The following ADPRHL1 variants were observed in gnomAD, a reference collection of about 807,000 sequenced individuals.
The protein encoded by ADPRHL1 is ADP-ribosylhydrolase like 1.
ADPRHL1 carries 43 observed loss-of-function variants against 44.1 expected under a neutral mutation model. The observed-to-expected ratio is 0.98, with a 90% CI of 0.76 to 1.26. The LOEUF is 1.26. Ranked by LOEUF, ADPRHL1 falls within the 50% of genes most tolerant of loss-of-function variation. The pLI is 0.00. For missense variants in ADPRHL1, 2,022 were observed against 2,496.9 expected, an observed-to-expected ratio of 0.81 and a Z score of 4.05; for synonymous variants, 878 against 1,017.4, an observed-to-expected ratio of 0.86 and a Z score of 2.61.
chr13:113,424,380 G>C (rs200663640), intron 5 of ADPRHL1, 31 bp from the exon 6 acceptor site: 1 of 1,612,020 alleles, frequency 6.2e-7, no homozygotes, highest in Non-Finnish European at 8.5e-7. Flanking sequence ...CGGGGCGTGT[G>C]CCCAAGTGGA....
intron 7 of ADPRHL1, among the ~76,000 whole-genome samples, chr13:113,418,929 G>T (rs773760084): frequency 1.1e-5 from 1 of 87,590 alleles, no homozygotes; most frequent in Non-Finnish European, 2.3e-5. Context: ...GAACCCCTGG[G>T]GAGCTACACC....
In ADPRHL1 at chr13:113,428,966, A is replaced by G. The variant is rs377490207; in HGVS notation, c.632T>C (p.Ile211Thr). 3 of 1,612,508 alleles carry G rather than the reference A, an allele frequency of 1.9e-6. No individual in the cohort carries two copies. Among genetic ancestry groups the G allele is most frequent in the African/African-American group, 2.7e-5 (2 of 74,926 alleles). ...GAGCGGCTCACCTGCCGTGTGCCGG[A>G]TGGTCTTCCTGCAGTACTCTTCTGC... ...PLAEEYCRKTIRHTAEYQEHW... is the reference protein window; with the variant it reads ...PLAEEYCRKTTRHTAEYQEHW... Residue 211 changes from isoleucine to threonine, a missense_variant, in exon 4 of 8, where the codon ATC becomes ACC. By Grantham distance (89) the Ile-to-Thr change is moderately conservative. Coordinates refer to ENST00000612156, the MANE Select transcript of ADPRHL1 (RefSeq NM_001394807.1).
At chr13:113,446,847 T>TGCATGGTGTCGTGC (rs2044142334) in intron 1 of ADPRHL1, among the ~76,000 whole-genome samples, 1 of 151,924 alleles carries the variant, frequency 6.6e-6, no homozygotes, top group South Asian at 2.1e-4. Context: ...GTGTTGTGTG[T>TGCATGGTGTCGTGC]GCATGGTGTC....
In ADPRHL1 at chr13:113,409,855, C is replaced by G. The variant is rs1015971175; in HGVS notation, c.1062-1635G>C. The G allele has an allele frequency of 1.8e-5, 16 of 901,948 alleles. No homozygotes were observed. The highest frequency in any genetic ancestry group is 5.8e-4 in the Middle Eastern group (1 of 1,736). The allele number at this position is 901,948 out of a possible 1,614,324, so 55.9% of individuals were successfully genotyped here. On this transcript the variant is annotated intron_variant, in intron 7 of 7. Transcript: ENST00000612156. This position sits in a 1 kb window ranked among gnomAD's most constrained non-coding sequence, Gnocchi z 4.2. ...AGTGAGCCGAGATCGCACCACTGCA[C>G]TCCAGCCTGAGCGACAGAGCGAGAC...
chr13:113,417,181 CTG>C (rs1337941691), intron 7 of ADPRHL1, among the ~76,000 whole-genome samples: 1 of 152,222 alleles, frequency 6.6e-6, no homozygotes, highest in Non-Finnish European at 1.5e-5. Context: ...CCCGGGGACT[CTG>C]TGCTCTCTGG....
At chr13:113,434,519 C>T (rs12871488) in intron 2 of ADPRHL1, among the ~76,000 whole-genome samples, 1 of 138,558 alleles carries the variant, frequency 7.2e-6, no homozygotes, top group Non-Finnish European at 1.6e-5. Flanking sequence ...CCAGCATCCA[C>T]ATGTAGAGTG....
At chr13:113,417,001 G>C (rs1181185044) in intron 7 of ADPRHL1, among the ~76,000 whole-genome samples, 1 of 152,262 alleles carries the variant, frequency 6.6e-6, no homozygotes, top group East Asian at 1.9e-4. Flanking sequence ...GGAGTTGTCG[G>C]AGCTAGTTTT....
intron 2 of ADPRHL1, 63 bp downstream of exon 2, chr13:113,444,362 T>A: frequency 6.4e-7 from 1 of 1,565,458 alleles, no homozygotes; most frequent in Non-Finnish European, 8.7e-7. Flanking sequence ...GGAAGGCAGA[T>A]GGTTAGGACC....
Position 113,453,255 on chromosome 13 carries a change from C to T in ADPRHL1, c.183G>A (p.Met61Ile). Residue 61 changes from methionine to isoleucine, a missense_variant, in exon 1 of 8, where the codon ATG (methionine) becomes ATA (isoleucine). Met to Ile is a conservative substitution (Grantham distance 10). This residue lies in a region of ADPRHL1 where 437 missense variants were observed against 430.7 expected (regional missense o/e 1.01). Coordinates refer to ENST00000612156, the MANE Select transcript of ADPRHL1 (RefSeq NM_001394807.1). The surrounding 1 kb of genome is among the most constrained non-coding windows in gnomAD (Gnocchi z 5.4). ...GEWPVSDNTIMHIATAEALTT... is the reference protein window; with the variant it reads ...GEWPVSDNTIIHIATAEALTT... Reference sequence around the variant, plus strand: ...TGAGGGCCTCGGCGGTTGCGATGTGCATGATGGTGTTGTCACTCACGGGCC... The same window carrying T: ...TGAGGGCCTCGGCGGTTGCGATGTGTATGATGGTGTTGTCACTCACGGGCC... The T allele has an allele frequency of 6.2e-7, 1 of 1,614,130 alleles. No individual in the cohort carries two copies. Among genetic ancestry groups the T allele is most frequent in the Non-Finnish European group, 8.5e-7 (1 of 1,180,034 alleles).
chr13:113,417,385 G>A (rs1460369957), intron 7 of ADPRHL1, among the ~76,000 whole-genome samples: 1 of 152,256 alleles, frequency 6.6e-6, no homozygotes, highest in Non-Finnish European at 1.5e-5. Context: ...GCTGCCCACA[G>A]GGCCACACGA....
Position 113,424,293 on chromosome 13 carries a change from G to C in ADPRHL1, c.831C>G (p.Pro277=), listed in dbSNP as rs1323535143. 1 of 1,612,928 alleles carries C rather than the reference G, an allele frequency of 6.2e-7. No individual in the cohort carries two copies. Residue 277 remains proline, a synonymous_variant, in exon 6 of 8, where the codon CCC becomes CCG. Coordinates refer to ENST00000612156, the MANE Select transcript of ADPRHL1 (RefSeq NM_001394807.1). ...CAAGGAGGGCGTCATAGGCTATCATGGGGGCATCGTGGCCTCGTCTTCCCC... is the reference window on the plus strand; with the variant it reads ...CAAGGAGGGCGTCATAGGCTATCATCGGGGCATCGTGGCCTCGTCTTCCCC... ...GRGGRRGHDA[P]MIAYDALLAA...
chr13:113,440,714 C>T (rs888157387), intron 2 of ADPRHL1, among the ~76,000 whole-genome samples: 2 of 152,124 alleles, frequency 1.3e-5, no homozygotes, highest in Non-Finnish European at 2.9e-5. Flanking sequence ...CTTGGCCTCC[C>T]AAAGTTCTGG....
rs561816716 is a variant in ADPRHL1 at position 113,403,151 on chromosome 13, G to A, written c.*227C>T. 35 of 369,832 alleles carry A rather than the reference G, an allele frequency of 9.5e-5. No individual in the cohort carries two copies. Among genetic ancestry groups the A allele is most frequent in the African/African-American group, 4.0e-4 (19 of 47,890 alleles). The allele number at this position is 369,832 out of a possible 1,614,324, so 22.9% of individuals were successfully genotyped here. ...GAGGGCCTGGTGAGGCCACAGGCCC[G>A]CACCTCCCACCCCCATGGCCTCGTG... On this transcript the variant is annotated 3_prime_UTR_variant, in exon 8 of 8. Transcript: ENST00000612156.
intron 4 of ADPRHL1, 44 bp downstream of exon 4, chr13:113,428,908 C>T: frequency 6.2e-7 from 1 of 1,609,256 alleles, no homozygotes; most frequent in Non-Finnish European, 8.5e-7. Flanking sequence ...TGGATCTGTC[C>T]AGATCTGCTC....
Position 113,403,929 on chromosome 13 carries a change from G to C in ADPRHL1, c.5353C>G (p.Gln1785Glu). The part of the protein sequence containing the change: ...RARDQGWEQT[Q>E]IETQRQTQKG... ...TGGGTCTGCCTCTGAGTCTCTATCTGGGTCTGCTCCCAGCCCTGATCCCGA... is the reference window on the plus strand; with the variant it reads ...TGGGTCTGCCTCTGAGTCTCTATCTCGGTCTGCTCCCAGCCCTGATCCCGA... The change falls in exon 8 of 8, where the codon CAG (glutamine) becomes GAG (glutamate). Residue 1785 changes from glutamine to glutamate, a missense_variant. Physicochemically the swap from Gln to Glu is conservative, Grantham distance 29. This residue lies in a region of ADPRHL1 where 205 missense variants were observed against 250.1 expected (regional missense o/e 0.82). Transcript: ENST00000612156. 1 of 1,288,770 alleles carries C rather than the reference G, an allele frequency of 7.8e-7. No individual in the cohort carries two copies. The highest frequency in any genetic ancestry group is 9.7e-7 in the Non-Finnish European group (1 of 1,026,398). The allele number at this position is 1,288,770 out of a possible 1,614,324, so 79.8% of individuals were successfully genotyped here. A position where few individuals can be genotyped will look rare whatever the true frequency, so the allele number is the denominator to read the frequency against.
chr13:113,422,396 C>G (rs1381918594), intron 7 of ADPRHL1: 2 of 170,080 alleles, frequency 1.2e-5, no homozygotes, highest in African/African-American at 4.9e-5. Context: ...TTGGCCCTCA[C>G]GGGGAAACGC....
In ADPRHL1 at chr13:113,406,788, G is replaced by A. The variant is rs370589334; in HGVS notation, c.2494C>T (p.Arg832Trp). ...PLNAPSVQAA[R>W]RTQPATEPPR... Reference sequence around the variant, plus strand: ...GGCTCCGTGGCAGGCTGTGTTCTCCGAGCAGCCTGGACCGATGGAGCGTTC... The same window carrying A: ...GGCTCCGTGGCAGGCTGTGTTCTCCAAGCAGCCTGGACCGATGGAGCGTTC... The change falls in exon 8 of 8, where the codon CGG becomes TGG. Residue 832 changes from arginine (R) to tryptophan (W), a missense_variant. Arg to Trp is a moderately radical substitution (Grantham distance 101). This residue lies in a region of ADPRHL1 where 1,221 missense variants were observed against 1,517.8 expected (regional missense o/e 0.80). Coordinates refer to ENST00000612156, the MANE Select transcript of ADPRHL1 (RefSeq NM_001394807.1). 47 of 1,231,856 alleles carry A rather than the reference G, an allele frequency of 3.8e-5. No homozygotes were observed. The South Asian group carries it at 7.0e-4, about 18-fold the overall frequency. The allele number at this position is 1,231,856 out of a possible 1,614,324, so 76.3% of individuals were successfully genotyped here.
In ADPRHL1 at chr13:113,405,712, C is replaced by A. The variant is rs1017342025; in HGVS notation, c.3570G>T (p.Arg1190Ser). 2.4e-6 allele frequency: 3 copies of A among 1,231,928 alleles called. No individual in the cohort carries two copies. Among genetic ancestry groups the A allele is most frequent in the Non-Finnish European group, 3.0e-6 (3 of 988,100 alleles). 76.3% of individuals were successfully genotyped at this position (1,231,928 alleles called of 1,614,324 possible). ...CGAGGGCCACGCCTCTCAGGAGGCT[C>A]CTCCCTGCTGCTCCACTCTTGGGCT... ...SLEPKSGAAG[R>S]SLLRGVALVQ... The change falls in exon 8 of 8, where the codon AGG becomes AGT. Residue 1190 changes from arginine to serine, a missense_variant. Coordinates refer to ENST00000612156, the MANE Select transcript of ADPRHL1 (RefSeq NM_001394807.1).
chr13:113,444,845 G>C (rs9549798), intron 1 of ADPRHL1, among the ~76,000 whole-genome samples: 25,489 of 151,984 alleles, frequency 0.17, 2,299 homozygotes, highest in Middle Eastern at 0.27. Context: ...GGATGGTCTC[G>C]ATCTCCTGAC....
Sources: gnomAD v4.1 joint callset for allele counts (sites outside exome capture counted in the v4.1 genomes callset) on GRCh38, gnomAD v4.1.1 for gene constraint, gnomAD v4.1.1 regional missense constraint, Gnocchi (gnomAD v3.1) non-coding constraint, MANE v1.5 for transcripts, NCBI Gene and HGNC (gene_info 2026-07-23, HGNC 2026-07-21) for gene names.